PCA3: variants seen among roughly 807,000 people sequenced by gnomAD.
PCA3 encodes prostate cancer associated 3, also known as Differential Display code 3.
At chr9:76,770,093 C>T (rs2052924336) in intron 2 of PCA3, among the ~76,000 whole-genome samples, 1 of 152,130 alleles carries the variant, frequency 6.6e-6, no homozygotes, top group South Asian at 2.1e-4. Context: ...ATTGTTAATG[C>T]ACCAAAAATG....
intron 2 of PCA3, among the ~76,000 whole-genome samples, chr9:76,765,778 C>A (rs531815343): frequency 6.6e-6 from 1 of 152,316 alleles, no homozygotes; most frequent in East Asian, 1.9e-4. Context: ...CTTGTCCAAA[C>A]CAGTGCTTTT....
chr9:76,771,809 T>C (rs980688171), intron 2 of PCA3, among the ~76,000 whole-genome samples: 64 of 152,308 alleles, frequency 4.2e-4, no homozygotes, highest in Middle Eastern at 3.4e-3. Context: ...CTATACTCCG[T>C]GTACTGCCCA....
At chr9:76,785,758 T>C (rs1396658082) in intron 2 of PCA3, 1 of 150,752 alleles carries the variant, frequency 6.6e-6, no homozygotes, top group Non-Finnish European at 1.5e-5. Context: ...TGTGTGTGAG[T>C]GTACATGCCA....
At chr9:76,773,876 A>T (rs2053403764) in intron 2 of PCA3, among the ~76,000 whole-genome samples, 1 of 152,228 alleles carries the variant, frequency 6.6e-6, no homozygotes, top group Non-Finnish European at 1.5e-5. Context: ...AAATAACCCC[A>T]CAGAAAAAAG....
At chr9:76,780,551 C>T (rs1320888632) in intron 2 of PCA3, among the ~76,000 whole-genome samples, 1 of 152,018 alleles carries the variant, frequency 6.6e-6, no homozygotes, top group Non-Finnish European at 1.5e-5. Context: ...ATTAGCCAGG[C>T]ATGGTGGCGG....
chr9:76,780,758 T>C (rs1183597891), intron 2 of PCA3, among the ~76,000 whole-genome samples: 1 of 151,906 alleles, frequency 6.6e-6, no homozygotes, highest in Non-Finnish European at 1.5e-5. Context: ...TTTTTGTTTT[T>C]GTTTTCAGAT....
chr9:76,766,193 A>AC (rs2052365775), intron 2 of PCA3, among the ~76,000 whole-genome samples: 1 of 151,802 alleles, frequency 6.6e-6, no homozygotes, highest in Non-Finnish European at 1.5e-5. Flanking sequence ...AAAAAAAAAA[A>AC]AAAAACTCTT....
intron 2 of PCA3, chr9:76,778,570 A>G (rs2054047476): frequency 6.6e-6 from 1 of 152,222 alleles, no homozygotes; most frequent in South Asian, 2.1e-4. Context: ...GCTGGAGCTG[A>G]AGTTTAGCCC....
intron 2 of PCA3, chr9:76,785,941 T>C (rs2054929876): frequency 6.6e-6 from 1 of 152,198 alleles, no homozygotes; most frequent in Admixed American, 6.5e-5. Flanking sequence ...CAAAAGCAGC[T>C]GGAAATGGAC....
chr9:76,776,427 T>C (rs2053750864), intron 2 of PCA3, among the ~76,000 whole-genome samples: 1 of 152,168 alleles, frequency 6.6e-6, no homozygotes, highest in African/African-American at 2.4e-5. Flanking sequence ...CATAGGATAA[T>C]GATCTCCAGT....
chr9:76,776,781 C>T (rs2053816216), intron 2 of PCA3, among the ~76,000 whole-genome samples: 1 of 150,786 alleles, frequency 6.6e-6, no homozygotes. Context: ...TCCCAAAGTG[C>T]TGGGATTAAA....
At chr9:76,768,595 G>C (rs1440246135) in intron 2 of PCA3, among the ~76,000 whole-genome samples, 1 of 144,140 alleles carries the variant, frequency 6.9e-6, no homozygotes, top group African/African-American at 2.7e-5. Flanking sequence ...GTGTGTGTGT[G>C]TGTGTGTGTG....
chr9:76,774,462 T>TATTTATTTATTTA (rs1554761662), intron 2 of PCA3, among the ~76,000 whole-genome samples: 3 of 104,252 alleles, frequency 2.9e-5, no homozygotes, highest in African/African-American at 1.0e-4. Context: ...TTTTTTTTTT[T>TATTTATTTATTTA]TTTTTTTTTT....
intron 2 of PCA3, among the ~76,000 whole-genome samples, chr9:76,773,140 C>A (rs2053299686): frequency 6.6e-6 from 1 of 152,192 alleles, no homozygotes. Flanking sequence ...ATGCTTATTT[C>A]CCAAGTTAAA....
rs148917232 is a variant in PCA3, at chr9:76,777,002, C to A, written n.853-31581C>A. 4.1e-3 allele frequency among the ~76,000 whole-genome samples: 619 copies of A among 150,556 alleles called. 4 individuals carry two copies. Among genetic ancestry groups the A allele is most frequent in the African/African-American group, 0.014 (581 of 41,128 alleles). ...AGATTCTCGGCACTCCTAAACTGTTCCTCTTGGGTTGGGTTCCCACATCTG... is the reference window on the plus strand; with the variant it reads ...AGATTCTCGGCACTCCTAAACTGTTACTCTTGGGTTGGGTTCCCACATCTG... On this transcript the variant is annotated intron_variant and non_coding_transcript_variant, in intron 2 of 5. Transcript: ENST00000644657.
At chr9:76,765,179 A>G (rs1285471176) in intron 2 of PCA3, among the ~76,000 whole-genome samples, 1 of 152,162 alleles carries the variant, frequency 6.6e-6, no homozygotes, top group Admixed American at 6.6e-5. Context: ...ATGAGCTGGA[A>G]CCAAGCTGGG....
chr9:76,781,756 C>T (rs559979151), intron 2 of PCA3, among the ~76,000 whole-genome samples: 2 of 152,316 alleles, frequency 1.3e-5, no homozygotes, highest in South Asian at 4.1e-4. Flanking sequence ...TCGTACCTAG[C>T]ACATAGCATA....
chr9:76,776,504 T>C (rs1469302962), intron 2 of PCA3, among the ~76,000 whole-genome samples: 3 of 151,276 alleles, frequency 2.0e-5, no homozygotes, highest in Non-Finnish European at 2.9e-5. Context: ...ATTTTCTTTT[T>C]TTTTTTCTTT....
At chr9:76,764,965 T>C (rs1468117612) in intron 2 of PCA3, among the ~76,000 whole-genome samples, 4 of 152,198 alleles carry the variant, frequency 2.6e-5, no homozygotes, top group Non-Finnish European at 5.9e-5. Context: ...GAGAGAAGAA[T>C]GATGCAGAGC....
Sources: allele counts gnomAD v4.1 joint callset (sites outside exome capture counted in the v4.1 genomes callset), GRCh38; gene constraint gnomAD v4.1.1; transcripts MANE v1.5; gene names NCBI Gene and HGNC (gene_info 2026-07-23, HGNC 2026-07-21).